Variants in RAP1GAP2 observed in about 807,000 individuals in gnomAD.
RAP1GAP2 encodes rap1 GTPase-activating protein 2.
A neutral mutation model predicts 95.0 loss-of-function variants in RAP1GAP2; 27 were observed. The ratio of observed to expected loss-of-function variants is 0.28; its 90% confidence interval spans 0.21 to 0.39. The LOEUF (loss-of-function observed/expected upper bound fraction) is 0.39, where lower values mean the gene tolerates loss of function less well. Ranked by LOEUF, RAP1GAP2 falls within the 10% of genes least tolerant of loss-of-function variation. RAP1GAP2 has a pLI of 1.00. For missense variants in RAP1GAP2, 771 were observed against 970.0 expected (o/e 0.79, Z 2.72); for synonymous variants, 373 against 380.9 (o/e 0.98, Z 0.24).
chr17:2,969,235 G>T (rs1481041936), intron 8 of RAP1GAP2, among the ~76,000 whole-genome samples: 4 of 150,536 alleles, frequency 2.7e-5, no homozygotes, highest in Non-Finnish European at 1.5e-5. Flanking sequence ...TCCTCTAACA[G>T]ATTTTACTTC....
intron 9 of RAP1GAP2, 50 bp downstream of exon 9, chr17:2,980,415 C>T: frequency 6.3e-7 from 1 of 1,579,164 alleles, no homozygotes; most frequent in South Asian, 1.1e-5. Context: ...CAGCCCAGGG[C>T]TGGCCTCTGG....
intron 3 of RAP1GAP2, among the ~76,000 whole-genome samples, chr17:2,932,838 A>T (rs2151415925): frequency 1.3e-5 from 1 of 76,720 alleles, no homozygotes; most frequent in Admixed American, 1.6e-4. Flanking sequence ...AAAAAAAAAA[A>T]AAAAAGAGCA....
intron 8 of RAP1GAP2, among the ~76,000 whole-genome samples, chr17:2,971,641 G>A (rs1183988493): frequency 1.3e-5 from 2 of 152,122 alleles, no homozygotes; most frequent in Non-Finnish European, 2.9e-5. Flanking sequence ...ATTATTGTTA[G>A]CAACTTCTCT....
At chr17:2,918,721 C>T (rs77920794) in intron 3 of RAP1GAP2, among the ~76,000 whole-genome samples, 2 of 152,068 alleles carry the variant, frequency 1.3e-5, no homozygotes, top group Non-Finnish European at 2.9e-5. Flanking sequence ...GAAATCCGCC[C>T]TCTGATCCAG....
chr17:2,850,750 A>G (rs2071809764), intron 2 of RAP1GAP2, among the ~76,000 whole-genome samples: 1 of 14,254 alleles, frequency 7.0e-5, no homozygotes, highest in Non-Finnish European at 1.9e-4. Context: ...ACTCCACCTC[A>G]AAAAAAAAAA....
chr17:2,840,360 A>G (rs1161146598), intron 2 of RAP1GAP2, among the ~76,000 whole-genome samples: 1 of 151,602 alleles, frequency 6.6e-6, no homozygotes, highest in East Asian at 2.0e-4. Flanking sequence ...GGTGGGTTTC[A>G]CCACATTGGC....
chr17:2,951,431 C>T (rs140251994), intron 3 of RAP1GAP2, among the ~76,000 whole-genome samples: 63 of 152,236 alleles, frequency 4.1e-4, no homozygotes, highest in African/African-American at 1.5e-3. Flanking sequence ...TTCAAGAGGT[C>T]GAACTTGTTG....
intron 3 of RAP1GAP2, among the ~76,000 whole-genome samples, chr17:2,930,438 C>A (rs2043104699): frequency 6.6e-6 from 1 of 152,228 alleles, no homozygotes; most frequent in South Asian, 2.1e-4. Flanking sequence ...CTCATTAGAC[C>A]AGGCCTGAGT....
Position 2,870,713 on chromosome 17 carries a change from A to C in RAP1GAP2, c.81-34571A>C, listed in dbSNP as rs1312862023. On this transcript the variant is annotated intron_variant, in intron 2 of 24. Transcript: ENST00000254695. The surrounding 1 kb of genome is among the most constrained non-coding windows in gnomAD (Gnocchi z 4.4). Reference sequence around the variant, plus strand: ...TACATTAGTCAAGACCCTTGGTGGCAAGTGACAGAGGCCCATCTTGAATTA... The same window carrying C: ...TACATTAGTCAAGACCCTTGGTGGCCAGTGACAGAGGCCCATCTTGAATTA... Among the ~76,000 whole-genome samples the C allele has an allele frequency of 6.6e-6, 1 of 152,204 alleles. No individual in the cohort carries two copies. Among genetic ancestry groups the C allele is most frequent in the Admixed American group, 6.5e-5 (1 of 15,274 alleles).
chr17:2,936,268 C>T (rs1289169745), intron 3 of RAP1GAP2, among the ~76,000 whole-genome samples: 1 of 104,900 alleles, frequency 9.5e-6, no homozygotes, highest in Non-Finnish European at 1.8e-5. Context: ...TCCCCCCACC[C>T]AGTTTTGCCT....
chr17:2,929,006 G>A (rs2043055684), intron 3 of RAP1GAP2, among the ~76,000 whole-genome samples: 1 of 152,126 alleles, frequency 6.6e-6, no homozygotes, highest in Admixed American at 6.6e-5. Flanking sequence ...AGCCGAGGCA[G>A]GACAATTGTT....
intron 1 of RAP1GAP2, among the ~76,000 whole-genome samples, chr17:2,789,620 A>C (rs1473487865): frequency 4.0e-5 from 6 of 150,226 alleles, no homozygotes; most frequent in Non-Finnish European, 7.4e-5. Context: ...AAAAAAAAAA[A>C]AAAAAAAAAA....
rs2072168951 is a variant in RAP1GAP2, at chr17:2,857,056, C to T, written c.81-48228C>T. On this transcript the variant is annotated intron_variant, in intron 2 of 24. Coordinates refer to ENST00000254695, the MANE Select transcript of RAP1GAP2 (RefSeq NM_015085.5). This position sits in a 1 kb window ranked among gnomAD's most constrained non-coding sequence, Gnocchi z 4.0. ...GCTGCAGCTGCCAGCCTCTCTTAAG[C>T]ATCCCCCATACTCCATGCTGGGCGT... 6.6e-6 allele frequency among the ~76,000 whole-genome samples: 1 copy of T among 152,220 alleles called. No individual in the cohort carries two copies.
intron 3 of RAP1GAP2, among the ~76,000 whole-genome samples, chr17:2,921,059 C>T (rs977573650): frequency 6.6e-5 from 10 of 152,128 alleles, no homozygotes; most frequent in Non-Finnish European, 1.0e-4. Context: ...TCTCCCGGAG[C>T]CCCCCCGGCA....
chr17:2,763,168 C>T (rs1233085166), intron 1 of RAP1GAP2, among the ~76,000 whole-genome samples: 2 of 152,164 alleles, frequency 1.3e-5, no homozygotes, highest in Non-Finnish European at 2.9e-5. Context: ...TCTACGTTAA[C>T]AAGTTGGACT....
chr17:2,865,146 A>G (rs2072570945), intron 2 of RAP1GAP2, among the ~76,000 whole-genome samples: 1 of 152,088 alleles, frequency 6.6e-6, no homozygotes, highest in South Asian at 2.1e-4. Flanking sequence ...ACCACCAATT[A>G]TATGGTGACC....
At chr17:2,843,347 G>A (rs1442725614) in intron 2 of RAP1GAP2, among the ~76,000 whole-genome samples, 5 of 150,798 alleles carry the variant, frequency 3.3e-5, no homozygotes, top group Non-Finnish European at 7.4e-5. Context: ...GTGCAGTGGC[G>A]CGATCTCGGC....
chr17:2,782,453 G>T (rs1053678725), intron 1 of RAP1GAP2, among the ~76,000 whole-genome samples: 2 of 152,192 alleles, frequency 1.3e-5, no homozygotes, highest in Non-Finnish European at 2.9e-5. Flanking sequence ...TTGGGCACCA[G>T]TGCAGCTGTG....
At chr17:2,988,400 C>T (rs1883579026) in intron 11 of RAP1GAP2, among the ~76,000 whole-genome samples, 1 of 152,130 alleles carries the variant, frequency 6.6e-6, no homozygotes, top group South Asian at 2.1e-4. Context: ...GTCCGTAACC[C>T]CTGACAACCA....
Sources: allele counts gnomAD v4.1 joint callset (sites outside exome capture counted in the v4.1 genomes callset), GRCh38; gene constraint gnomAD v4.1.1; non-coding constraint Gnocchi (gnomAD v3.1); transcripts MANE v1.5; gene names NCBI Gene and HGNC (gene_info 2026-07-23, HGNC 2026-07-21).